GPC6: variants seen among roughly 807,000 people sequenced by gnomAD.
The protein encoded by GPC6 is glypican-6.
A neutral mutation model predicts 55.2 loss-of-function variants in GPC6; 14 were observed. The observed-to-expected ratio is 0.25, with a 90% confidence interval of 0.17 to 0.40. The LOEUF (loss-of-function observed/expected upper bound fraction) is 0.40, where lower values mean the gene tolerates loss of function less well. Among genes scored for constraint, GPC6 ranks in the 10% least tolerant of loss-of-function variants. The pLI is 1.00. For missense variants in GPC6, 641 were observed against 708.5 expected, an observed-to-expected ratio of 0.90 and a Z score of 1.08; for synonymous variants, 278 against 259.6, an observed-to-expected ratio of 1.07 and a Z score of -0.68.
At chr13:93,801,968 A>G (rs1248143121) in intron 2 of GPC6, among the ~76,000 whole-genome samples, 5 of 152,162 alleles carry the variant, frequency 3.3e-5, no homozygotes, top group Non-Finnish European at 5.9e-5. Context: ...AAATGAATGA[A>G]TGAACTAATA....
intron 1 of GPC6, among the ~76,000 whole-genome samples, chr13:93,374,186 G>A (rs1022133244): frequency 5.9e-5 from 9 of 152,102 alleles, no homozygotes; most frequent in South Asian, 2.1e-4. Context: ...ACACAGAATC[G>A]GGGACTTCTG....
intron 4 of GPC6, among the ~76,000 whole-genome samples, chr13:94,191,637 A>G (rs1053210884): frequency 5.9e-5 from 9 of 151,966 alleles, no homozygotes; most frequent in Admixed American, 2.6e-4. Flanking sequence ...AGTAGAGGCA[A>G]GTTTGAAGGA....
At chr13:93,383,122 G>A (rs2139206711) in intron 1 of GPC6, among the ~76,000 whole-genome samples, 1 of 152,294 alleles carries the variant, frequency 6.6e-6, no homozygotes, top group Non-Finnish European at 1.5e-5. Flanking sequence ...TTGAGGAGTG[G>A]TAGACTTTTC....
intron 2 of GPC6, among the ~76,000 whole-genome samples, chr13:93,686,142 CT>C (rs1447653137): frequency 6.6e-6 from 1 of 152,068 alleles, no homozygotes; most frequent in African/African-American, 2.4e-5. Context: ...GAGTACAAAT[CT>C]TTATATCCCC....
intron 1 of GPC6, among the ~76,000 whole-genome samples, chr13:93,315,775 G>A (rs958534956): frequency 6.6e-6 from 1 of 150,956 alleles, no homozygotes; most frequent in Non-Finnish European, 1.5e-5. Flanking sequence ...TTTTAACCAT[G>A]TATGTAGTCA....
At chr13:93,568,506 T>C (rs1028064782) in intron 2 of GPC6, among the ~76,000 whole-genome samples, 30 of 152,204 alleles carry the variant, frequency 2.0e-4, no homozygotes, top group African/African-American at 6.7e-4. Context: ...AAAGACAGAA[T>C]TTATGCGACT....
chr13:93,865,725 A>G (rs1200044668), intron 3 of GPC6, among the ~76,000 whole-genome samples: 1 of 151,728 alleles, frequency 6.6e-6, no homozygotes, highest in African/African-American at 2.4e-5. Context: ...CTAATTCAAC[A>G]TGTTTTCATT....
intron 4 of GPC6, among the ~76,000 whole-genome samples, chr13:94,212,065 C>T (rs1161910326): frequency 1.3e-5 from 2 of 152,128 alleles, no homozygotes; most frequent in African/African-American, 4.8e-5. Context: ...ATATCCAATT[C>T]TGTAACCTGG....
chr13:93,231,361 G>GTA (rs1229841914), intron 1 of GPC6, among the ~76,000 whole-genome samples: 10,146 of 81,206 alleles, frequency 0.12, 1,208 homozygotes, highest in Non-Finnish European at 0.18. Flanking sequence ...ATATATATAC[G>GTA]TATATATATA....
intron 3 of GPC6, among the ~76,000 whole-genome samples, chr13:93,918,972 G>A (rs1877427585): frequency 6.6e-6 from 1 of 152,216 alleles, no homozygotes; most frequent in South Asian, 2.1e-4. Context: ...GATTCCCAGT[G>A]TGGGAGGTGG....
chr13:93,909,833 T>C (rs1379593613), intron 3 of GPC6, among the ~76,000 whole-genome samples: 1 of 152,188 alleles, frequency 6.6e-6, no homozygotes, highest in Non-Finnish European at 1.5e-5. Context: ...AAAGATATTT[T>C]TCGATTTATA....
chr13:94,291,310 T>C (rs1874960427), intron 5 of GPC6, among the ~76,000 whole-genome samples: 1 of 152,112 alleles, frequency 6.6e-6, no homozygotes, highest in African/African-American at 2.4e-5. Flanking sequence ...AAATAGTGTG[T>C]CTGGTACGGC....
At chr13:93,798,083 A>G (rs1360278810) in intron 2 of GPC6, among the ~76,000 whole-genome samples, 4 of 152,128 alleles carry the variant, frequency 2.6e-5, no homozygotes, top group Non-Finnish European at 5.9e-5. Context: ...ACAAGGGGCA[A>G]GCTAGAGTGT....
chr13:93,477,701 A>G (rs560604868), intron 1 of GPC6, among the ~76,000 whole-genome samples: 4 of 152,324 alleles, frequency 2.6e-5, no homozygotes, highest in African/African-American at 7.2e-5. Flanking sequence ...TCTTTTAAGG[A>G]TAATTCTCAT....
chr13:94,273,575 G>A (rs558219123), intron 4 of GPC6, among the ~76,000 whole-genome samples: 1 of 152,292 alleles, frequency 6.6e-6, no homozygotes, highest in South Asian at 2.1e-4. Flanking sequence ...AAATGGTGAA[G>A]CACGTGGAAT....
At chr13:93,505,473 A>C (rs1880679264) in intron 1 of GPC6, among the ~76,000 whole-genome samples, 1 of 152,086 alleles carries the variant, frequency 6.6e-6, no homozygotes, top group Admixed American at 6.5e-5. Context: ...AGAGAGAGAG[A>C]GAAAGAGAGA....
At chr13:93,971,932 T>G (rs1376487658) in intron 3 of GPC6, among the ~76,000 whole-genome samples, 2 of 152,206 alleles carry the variant, frequency 1.3e-5, no homozygotes, top group Admixed American at 6.5e-5. Context: ...AGGCTCACGC[T>G]GGGCAGGAGG....
At chr13:93,309,781 A>G (rs796541676) in intron 1 of GPC6, among the ~76,000 whole-genome samples, 6 of 152,358 alleles carry the variant, frequency 3.9e-5, no homozygotes, top group African/African-American at 1.4e-4. Context: ...GTAATGTTAC[A>G]CAGTGTAATA....
intron 3 of GPC6, among the ~76,000 whole-genome samples, chr13:93,945,955 G>GT (rs1878988885): frequency 6.6e-6 from 1 of 152,212 alleles, no homozygotes; most frequent in South Asian, 2.1e-4. Flanking sequence ...AATACTCGAC[G>GT]TTTTTTCTTT....
Sources: allele counts gnomAD v4.1 joint callset (sites outside exome capture counted in the v4.1 genomes callset), GRCh38; gene constraint gnomAD v4.1.1; transcripts MANE v1.5; gene names NCBI Gene and HGNC (gene_info 2026-07-23, HGNC 2026-07-21).